The following ZNF385D variants were observed in gnomAD, a reference collection of about 807,000 sequenced individuals.
The protein encoded by ZNF385D is zinc finger protein 659.
ZNF385D carries 15 observed loss-of-function variants against 35.8 expected under a neutral mutation model. The ratio of observed to expected loss-of-function variants is 0.42; its 90% CI spans 0.28 to 0.64. The LOEUF is 0.64. Among genes scored for constraint, ZNF385D ranks in the 30% least tolerant of loss-of-function variants. The pLI is 0.23. For synonymous variants in ZNF385D, 212 were observed against 186.8 expected, an observed-to-expected ratio of 1.13 and a Z score of -1.10; for missense variants, 474 against 494.6, an observed-to-expected ratio of 0.96 and a Z score of 0.39.
chr3:22,222,313 C>A (rs965307259), intron 2 of ZNF385D, among the ~76,000 whole-genome samples: 1 of 151,818 alleles, frequency 6.6e-6, no homozygotes, highest in Admixed American at 6.6e-5. Flanking sequence ...GTCTTCACCA[C>A]CCAGCCCCAA....
intron 2 of ZNF385D, among the ~76,000 whole-genome samples, chr3:22,311,820 T>C (rs992018521): frequency 1.3e-5 from 2 of 152,118 alleles, no homozygotes; most frequent in Non-Finnish European, 2.9e-5. Context: ...ATTTTTACTA[T>C]TATGAACTCT....
At chr3:22,287,095 TTGG>T (rs897246076) in intron 2 of ZNF385D, among the ~76,000 whole-genome samples, 10 of 152,096 alleles carry the variant, frequency 6.6e-5, no homozygotes, top group Non-Finnish European at 1.2e-4. Flanking sequence ...CTATATTTTG[TTGG>T]TGAAGTAACC....
At chr3:22,139,995 T>G (rs942887979) in intron 3 of ZNF385D, among the ~76,000 whole-genome samples, 2 of 152,202 alleles carry the variant, frequency 1.3e-5, no homozygotes, top group Non-Finnish European at 2.9e-5. Context: ...TCTCACATAT[T>G]GTTACTGGAA....
At chr3:22,086,635 T>A (rs989637613) in intron 3 of ZNF385D, among the ~76,000 whole-genome samples, 4 of 152,212 alleles carry the variant, frequency 2.6e-5, no homozygotes, top group African/African-American at 9.6e-5. Flanking sequence ...CAAGGTAATT[T>A]GTGTTTGTTG....
At chr3:21,941,560 T>C (rs912599030) in intron 3 of ZNF385D, among the ~76,000 whole-genome samples, 3 of 145,300 alleles carry the variant, frequency 2.1e-5, no homozygotes, top group Non-Finnish European at 3.0e-5. Flanking sequence ...TGCAGTGGCA[T>C]GATCTCGGCT....
chr3:21,666,961 C>T (rs13100753), intron 1 of ZNF385D, among the ~76,000 whole-genome samples: 66,210 of 151,796 alleles, frequency 0.44, 15,947 homozygotes, highest in Non-Finnish European at 0.54. Context: ...CCTGTAATCC[C>T]AGCTACTTGG....
rs997216583 is a variant in ZNF385D, at chr3:21,478,657, C to G, written c.439+32204G>C. 5.3e-5 allele frequency among the ~76,000 whole-genome samples: 8 copies of G among 152,084 alleles called. No homozygotes were observed. The South Asian group carries it at 6.2e-4, about 12-fold the overall frequency. Reference sequence around the variant, plus strand: ...TCCTCACGCTTAGGCGTAACTTAGCCTAAGCTGTCCTCTGATACAGAAAGA... The same window carrying G: ...TCCTCACGCTTAGGCGTAACTTAGCGTAAGCTGTCCTCTGATACAGAAAGA... On this transcript the variant is annotated intron_variant, in intron 4 of 7. Coordinates refer to ENST00000281523, the MANE Select transcript of ZNF385D (RefSeq NM_024697.3).
At chr3:22,183,742 GC>G (rs1256606947) in intron 2 of ZNF385D, among the ~76,000 whole-genome samples, 1 of 151,834 alleles carries the variant, frequency 6.6e-6, no homozygotes, top group Non-Finnish European at 1.5e-5. Flanking sequence ...AACTATAATT[GC>G]CCTTTTGAAT....
At chr3:22,343,659 G>A (rs936854430) in intron 2 of ZNF385D, among the ~76,000 whole-genome samples, 1 of 152,156 alleles carries the variant, frequency 6.6e-6, no homozygotes, top group Non-Finnish European at 1.5e-5. Context: ...TAATCTCATT[G>A]ACCCTATAAG....
intron 2 of ZNF385D, among the ~76,000 whole-genome samples, chr3:22,303,348 A>T (rs1391354173): frequency 6.6e-6 from 1 of 152,122 alleles, no homozygotes; most frequent in Non-Finnish European, 1.5e-5. Context: ...TCTCATAAAC[A>T]TATGGCCTGT....
chr3:21,850,622 G>A lies in ZNF385D; in HGVS notation c.326-185594C>T, dbSNP rs184322014. Among the ~76,000 whole-genome samples the A allele has an allele frequency of 2.6e-5, 4 of 152,232 alleles. No individual in the cohort carries two copies. In the East Asian group the frequency reaches 7.7e-4, roughly 29 times the overall value. On this transcript the variant is annotated intron_variant, in intron 3 of 5. Transcript: ENST00000494108. Reference sequence around the variant, plus strand: ...AAGCCAGAAAAGATCAATTAATGGAGACAGGACAAGTATCCGGGAGCTAAA... The same window carrying A: ...AAGCCAGAAAAGATCAATTAATGGAAACAGGACAAGTATCCGGGAGCTAAA...
intron 3 of ZNF385D, among the ~76,000 whole-genome samples, chr3:21,799,728 C>A (rs1296409379): frequency 1.3e-5 from 2 of 152,052 alleles, no homozygotes; most frequent in Non-Finnish European, 2.9e-5. Context: ...TTGTATTTCA[C>A]TTATTTATAA....
At position 21,419,698 on chromosome 3, in the gene ZNF385D, A is replaced by G. The variant is rs1240711227; in HGVS notation, c.*1516T>C. The G allele has an allele frequency of 1.3e-5, 2 of 152,168 alleles. No individual in the cohort carries two copies. Among genetic ancestry groups the G allele is most frequent in the African/African-American group, 4.8e-5 (2 of 41,456 alleles). 9.4% of individuals were successfully genotyped at this position (152,168 alleles called of 1,614,324 possible). A position where few individuals can be genotyped will look rare whatever the true frequency, so the allele number is the denominator to read the frequency against. On this transcript the variant is annotated 3_prime_UTR_variant, in exon 8 of 8. Transcript: ENST00000281523. The stretch of plus-strand genomic sequence containing the variant: ...GGTATATGTCAGCTTTCTATGGGAA[A>G]AAGCAAATAGCCTTTATCACAAATT...
Position 21,421,367 on chromosome 3 carries a change from GGCTGCTGCA to G in ZNF385D, c.1026_1034del (p.Ala346_Ala348del), listed in dbSNP as rs1478498551. On this transcript the variant is annotated inframe_deletion, in exon 8 of 8. Coordinates refer to ENST00000281523, the MANE Select transcript of ZNF385D (RefSeq NM_024697.3). ...GGGAACTCACTGCCACTGCTGCTGC[GGCTGCTGCA>G]GCTGCTAGAGGATTTGGTAGAATTC... is the stretch of plus-strand genomic sequence containing the variant. 7 of 1,612,906 alleles carry G rather than the reference GGCTGCTGCA, an allele frequency of 4.3e-6. No individual in the cohort carries two copies. Among genetic ancestry groups the G allele is most frequent in the Non-Finnish European group, 5.9e-6 (7 of 1,179,464 alleles).
In ZNF385D at chr3:21,909,091, A is replaced by C. The variant is rs151005582; in HGVS notation, c.326-244063T>G. ...TAAACAACAAGTTAAACGTTCATTG[A>C]TAGCACTAGGGTTGAAAACACAGAT... is the stretch of plus-strand genomic sequence containing the variant. On this transcript the variant is annotated intron_variant, in intron 3 of 5. Transcript: ENST00000494108. Among the ~76,000 whole-genome samples, 411 of 152,162 alleles carry C rather than the reference A, an allele frequency of 2.7e-3. 2 individuals are homozygous for C. The highest frequency in any genetic ancestry group is 9.4e-3 in the African/African-American group (389 of 41,562).
At chr3:22,227,470 G>T (rs956103797) in intron 2 of ZNF385D, among the ~76,000 whole-genome samples, 1 of 152,176 alleles carries the variant, frequency 6.6e-6, no homozygotes, top group African/African-American at 2.4e-5. Flanking sequence ...GCCTTGCTGT[G>T]TTTAGATCAT....
intron 2 of ZNF385D, among the ~76,000 whole-genome samples, chr3:21,653,661 G>T (rs370119370): frequency 6.6e-6 from 1 of 151,832 alleles, no homozygotes; most frequent in Non-Finnish European, 1.5e-5. Flanking sequence ...CTTAAAACCA[G>T]ATTCTGTCAA....
chr3:22,340,046 T>G (rs923952887), intron 2 of ZNF385D, among the ~76,000 whole-genome samples: 3 of 152,164 alleles, frequency 2.0e-5, no homozygotes, highest in African/African-American at 7.2e-5. Context: ...ACTCAGACAT[T>G]TTCATAGATT....
At chr3:21,478,444 C>A (rs1704389314) in intron 4 of ZNF385D, among the ~76,000 whole-genome samples, 1 of 152,022 alleles carries the variant, frequency 6.6e-6, no homozygotes, top group African/African-American at 2.4e-5. Context: ...TGTTCATTTT[C>A]TTTGAACTTT....
Sources: gnomAD v4.1 joint callset for allele counts (sites outside exome capture counted in the v4.1 genomes callset) on GRCh38, gnomAD v4.1.1 for gene constraint, MANE v1.5 for transcripts, NCBI Gene and HGNC (gene_info 2026-07-23, HGNC 2026-07-21) for gene names.